TMEM232: variants seen among roughly 807,000 people sequenced by gnomAD.
The protein encoded by TMEM232 is transmembrane protein 232.
Under a neutral mutation model 78.8 loss-of-function variants are expected in TMEM232, and 80 were observed. That is an observed-to-expected ratio of 1.01 (90% CI 0.85 to 1.22). The LOEUF is 1.22. TMEM232 is among the 50% of genes most tolerant of loss of function. The probability of loss-of-function intolerance (pLI) is 0.00; values close to 1 mark genes in which losing one functional copy is unlikely to be tolerated. For missense variants in TMEM232, 881 were observed against 742.2 expected (o/e 1.19, Z -2.17); for synonymous variants, 297 against 254.3 (o/e 1.17, Z -1.60).
chr5:110,528,553 A>G, intron 12 of TMEM232, 35 bp downstream of exon 12: 4 of 1,492,046 alleles, frequency 2.7e-6, no homozygotes, highest in Admixed American at 2.3e-5. Context: ...ATTGTAATGT[A>G]TTAGAACAAT....
Position 110,638,229 on chromosome 5 carries a change from T to C in TMEM232, c.470A>G (p.Tyr157Cys). The C allele has an allele frequency of 2.6e-6, 4 of 1,545,880 alleles. No homozygotes were observed. Among genetic ancestry groups the C allele is most frequent in the Non-Finnish European group, 2.6e-6 (3 of 1,145,044 alleles). Reference protein sequence around the residue: ...RLCCDASLKTYLYSVEIKLAK... With the variant: ...RLCCDASLKTCLYSVEIKLAK... ...TAGCTTTATTTCAACTGAATATAAATATGTTTTGAGGGATGCATCACAACA... is the reference window on the plus strand; with the variant it reads ...TAGCTTTATTTCAACTGAATATAAACATGTTTTGAGGGATGCATCACAACA... Residue 157 changes from tyrosine (Y) to cysteine (C), a missense_variant, in exon 5 of 14, where the codon TAT becomes TGT. Transcript: ENST00000455884.
At chr5:110,675,622 T>C (rs1175133791) in intron 1 of TMEM232, among the ~76,000 whole-genome samples, 1 of 152,164 alleles carries the variant, frequency 6.6e-6, no homozygotes, top group East Asian at 1.9e-4. Context: ...GCTGGCACCT[T>C]TTCTCCACCC....
intron 12 of TMEM232, among the ~76,000 whole-genome samples, chr5:110,514,451 G>A (rs1364558577): frequency 1.3e-5 from 2 of 151,808 alleles, no homozygotes; most frequent in African/African-American, 4.8e-5. Flanking sequence ...GTAAATTATG[G>A]AACAAAAGGA....
rs772417119 is a variant in TMEM232, at chr5:110,627,750, T to C, written c.601+31A>G. 9 of 1,340,240 alleles carry C rather than the reference T, an allele frequency of 6.7e-6. No homozygotes were observed. In the East Asian group the frequency reaches 1.0e-4, roughly 15 times the overall value. 83.0% of individuals were successfully genotyped at this position (1,340,240 alleles called of 1,614,324 possible). On this transcript the variant is annotated intron_variant, in intron 6 of 13. Transcript: ENST00000455884. ...GCTTATCAAAATATAACATAAAACATTTATAAGTGTAAAAATAAAAGATAT... is the reference window on the plus strand; with the variant it reads ...GCTTATCAAAATATAACATAAAACACTTATAAGTGTAAAAATAAAAGATAT...
intron 11 of TMEM232, among the ~76,000 whole-genome samples, chr5:110,556,808 T>C (rs1775145626): frequency 6.6e-6 from 1 of 152,186 alleles, no homozygotes. Context: ...CTGCTGCCTT[T>C]AACATTTTTT....
intron 12 of TMEM232, among the ~76,000 whole-genome samples, chr5:110,447,161 ATATT>A (rs894829077): frequency 2.0e-5 from 3 of 150,970 alleles, no homozygotes; most frequent in African/African-American, 7.3e-5. Context: ...GTATATATAT[ATATT>A]TATAATTAGC....
chr5:110,503,657 G>C, intron 12 of TMEM232, among the ~76,000 whole-genome samples: 1 of 152,106 alleles, frequency 6.6e-6, no homozygotes, highest in East Asian at 1.9e-4. Context: ...CTCTACTCAG[G>C]TTTGCCTAGG....
At chr5:110,475,445 A>ATTTTTT (rs61667699) in intron 12 of TMEM232, among the ~76,000 whole-genome samples, 44 of 110,134 alleles carry the variant, frequency 4.0e-4, no homozygotes, top group Admixed American at 2.2e-3. Context: ...TTATACTTTG[A>ATTTTTT]TTTTTTTTTT....
intron 12 of TMEM232, among the ~76,000 whole-genome samples, chr5:110,501,306 G>A (rs1223736110): frequency 6.6e-6 from 1 of 151,894 alleles, no homozygotes; most frequent in Non-Finnish European, 1.5e-5. Flanking sequence ...AGATAATATT[G>A]GCATCTAAGC....
intron 8 of TMEM232, among the ~76,000 whole-genome samples, chr5:110,615,179 T>A (rs1354344185): frequency 6.6e-6 from 1 of 151,812 alleles, no homozygotes; most frequent in African/African-American, 2.4e-5. Context: ...CCCACAAACT[T>A]CCAAATACAA....
intron 2 of TMEM232, among the ~76,000 whole-genome samples, chr5:110,655,148 C>A (rs1442794303): frequency 6.6e-6 from 1 of 152,002 alleles, no homozygotes; most frequent in African/African-American, 2.4e-5. Flanking sequence ...TTTTTGCAAC[C>A]TACTCATCTG....
intron 8 of TMEM232, among the ~76,000 whole-genome samples, chr5:110,617,345 T>C (rs1783058030): frequency 6.6e-6 from 1 of 151,994 alleles, no homozygotes; most frequent in Non-Finnish European, 1.5e-5. Flanking sequence ...GAATGAGTTC[T>C]AGTGATCTAT....
rs551721659 is a variant in TMEM232 at position 110,462,131 on chromosome 5, T to C, written c.1704-37215A>G. ...TATAATGGATATGAGCAAGGTAAAT[T>C]GAAACCATTCTAAAAGGATTCACCA... On this transcript the variant is annotated intron_variant, in intron 12 of 13. Transcript: ENST00000455884. Among the ~76,000 whole-genome samples the C allele has an allele frequency of 2.6e-5, 4 of 152,328 alleles. No individual in the cohort carries two copies. The South Asian group carries it at 8.3e-4, about 32-fold the overall frequency.
At chr5:110,680,034 A>G in intron 1 of TMEM232, among the ~76,000 whole-genome samples, 1 of 152,136 alleles carries the variant, frequency 6.6e-6, no homozygotes, top group East Asian at 1.9e-4. Context: ...GACCTATTAC[A>G]TTTAGTCTCT....
chr5:110,439,127 C>G (rs1758752942), intron 12 of TMEM232, among the ~76,000 whole-genome samples: 1 of 151,942 alleles, frequency 6.6e-6, no homozygotes, highest in East Asian at 1.9e-4. Flanking sequence ...TTAGCTTGCC[C>G]AAATCACAAA....
At chr5:110,602,748 A>T (rs184344095) in intron 10 of TMEM232, among the ~76,000 whole-genome samples, 1 of 152,204 alleles carries the variant, frequency 6.6e-6, no homozygotes, top group Admixed American at 6.5e-5. Context: ...TTCCTCAAGG[A>T]TCTAGAACCA....
chr5:110,491,157 A>G (rs61677977), intron 12 of TMEM232, among the ~76,000 whole-genome samples: 2,861 of 151,260 alleles, frequency 0.019, 105 homozygotes, highest in African/African-American at 0.068. Flanking sequence ...TAAAAAGTGG[A>G]CAAAGGATTT....
At chr5:110,634,587 C>A (rs1018147888) in intron 5 of TMEM232, among the ~76,000 whole-genome samples, 1 of 151,730 alleles carries the variant, frequency 6.6e-6, no homozygotes, top group African/African-American at 2.4e-5. Context: ...CAACATGTTT[C>A]TGAACAACCA....
chr5:110,554,737 C>T (rs889078953), intron 11 of TMEM232, among the ~76,000 whole-genome samples: 1 of 152,070 alleles, frequency 6.6e-6, no homozygotes. Flanking sequence ...TGATTGATAC[C>T]TGCTCTTCTT....
Sources: gnomAD v4.1 joint callset for allele counts (sites outside exome capture counted in the v4.1 genomes callset) on GRCh38, gnomAD v4.1.1 for gene constraint, MANE v1.5 for transcripts, NCBI Gene and HGNC (gene_info 2026-07-23, HGNC 2026-07-21) for gene names.